Variants in SLC24A3 observed in about 807,000 individuals in gnomAD.
SLC24A3 encodes the protein solute carrier family 24 member 3, also known as sodium/potassium/calcium exchanger 3.
SLC24A3 carries 28 observed loss-of-function variants against 75.8 expected under a neutral mutation model. The observed-to-expected ratio is 0.37, with a 90% CI of 0.27 to 0.51. SLC24A3 has a LOEUF of 0.51. Ranked by LOEUF, SLC24A3 falls within the 20% of genes least tolerant of loss-of-function variation. The probability of loss-of-function intolerance (pLI) is 0.94; values close to 1 mark genes in which losing one functional copy is unlikely to be tolerated. For synonymous variants in SLC24A3, 372 were observed against 334.1 expected (o/e 1.11, Z -1.24); for missense variants, 663 against 847.8 (o/e 0.78, Z 2.71).
rs542238524 is a variant in SLC24A3 at position 19,545,877 on chromosome 20, C to T, written c.348+30313C>T. On this transcript the variant is annotated intron_variant, in intron 3 of 16. Transcript: ENST00000328041. Reference sequence around the variant, plus strand: ...ATAACCCATAAAACAGGTCATCGACCGGCCAGGCATGGTGGCTCACACTTG... The same window carrying T: ...ATAACCCATAAAACAGGTCATCGACTGGCCAGGCATGGTGGCTCACACTTG... Among the ~76,000 whole-genome samples the T allele has an allele frequency of 1.3e-4, 20 of 152,098 alleles. No homozygotes were observed. The East Asian group carries it at 2.7e-3, about 21-fold the overall frequency.
At chr20:19,429,357 C>T (rs954573380) in intron 2 of SLC24A3, among the ~76,000 whole-genome samples, 5 of 152,224 alleles carry the variant, frequency 3.3e-5, no homozygotes, top group African/African-American at 4.8e-5. Context: ...AGAATTACAC[C>T]TTTGGTTCAG....
At chr20:19,430,702 T>G (rs1987086232) in intron 2 of SLC24A3, among the ~76,000 whole-genome samples, 1 of 151,460 alleles carries the variant, frequency 6.6e-6, no homozygotes, top group South Asian at 2.1e-4. Flanking sequence ...ATGTGCACAC[T>G]CAGTCAAATT....
intron 15 of SLC24A3, among the ~76,000 whole-genome samples, chr20:19,700,411 C>G (rs1454717911): frequency 2.3e-5 from 3 of 132,020 alleles, no homozygotes; most frequent in Admixed American, 2.2e-4. Context: ...TCTGATGAGG[C>G]CTGGAAGTGG....
At chr20:19,220,768 A>G (rs1981686965) in intron 1 of SLC24A3, among the ~76,000 whole-genome samples, 1 of 152,180 alleles carries the variant, frequency 6.6e-6, no homozygotes, top group Non-Finnish European at 1.5e-5. Flanking sequence ...CTCATATGTG[A>G]GTCCCACCTC....
At chr20:19,630,678 A>T (rs6081688) in intron 6 of SLC24A3, among the ~76,000 whole-genome samples, 62,997 of 152,154 alleles carry the variant, frequency 0.41, 15,938 homozygotes, top group African/African-American at 0.73. Context: ...ATATAACCTC[A>T]TTTTATTATT....
intron 4 of SLC24A3, among the ~76,000 whole-genome samples, chr20:19,582,765 C>T (rs886154650): frequency 5.3e-5 from 8 of 152,116 alleles, no homozygotes; most frequent in Non-Finnish European, 8.8e-5. Flanking sequence ...TGCACTGAGG[C>T]GGGAAGGGAG....
intron 6 of SLC24A3, among the ~76,000 whole-genome samples, chr20:19,627,833 A>G (rs977373593): frequency 6.6e-6 from 1 of 152,154 alleles, no homozygotes; most frequent in African/African-American, 2.4e-5. Flanking sequence ...TTCTATAAGG[A>G]GATGTATATT....
intron 2 of SLC24A3, among the ~76,000 whole-genome samples, chr20:19,447,702 C>G (rs74956605): frequency 6.6e-6 from 1 of 152,110 alleles, no homozygotes; most frequent in Non-Finnish European, 1.5e-5. Context: ...TGATGGGGTG[C>G]GATGATGGTT....
intron 2 of SLC24A3, among the ~76,000 whole-genome samples, chr20:19,371,056 C>G (rs1356849807): frequency 6.6e-6 from 1 of 152,136 alleles, no homozygotes; most frequent in Non-Finnish European, 1.5e-5. Flanking sequence ...CCAGAAGCAG[C>G]TCCTGAGCAA....
intron 7 of SLC24A3, among the ~76,000 whole-genome samples, chr20:19,659,851 C>T (rs977583231): frequency 6.6e-6 from 1 of 152,210 alleles, no homozygotes; most frequent in African/African-American, 2.4e-5. Context: ...GGGTTACCTT[C>T]ACTTACTTTG....
chr20:19,574,831 A>G (rs1037050599), intron 3 of SLC24A3, among the ~76,000 whole-genome samples: 2 of 152,176 alleles, frequency 1.3e-5, no homozygotes, highest in Admixed American at 6.5e-5. Flanking sequence ...ACAGCTTGGA[A>G]GTGTCAAGTC....
In SLC24A3 at chr20:19,404,598, T is replaced by C. The variant is rs115121218; in HGVS notation, c.272-110890T>C. On this transcript the variant is annotated intron_variant, in intron 2 of 16. Transcript: ENST00000328041. ...TTGTTCAGACGCACCTAGCTGATGA[T>C]TTGGGCATGAGTTTTAATCCAGTTC... Among the ~76,000 whole-genome samples, 1,039 of 152,288 alleles carry C rather than the reference T, an allele frequency of 6.8e-3. 12 individuals carry two copies. Among genetic ancestry groups the C allele is most frequent in the African/African-American group, 0.024 (981 of 41,556 alleles).
At chr20:19,467,376 G>A (rs1478591960) in intron 2 of SLC24A3, among the ~76,000 whole-genome samples, 1 of 152,232 alleles carries the variant, frequency 6.6e-6, no homozygotes, top group East Asian at 1.9e-4. Context: ...TCCTGAGACA[G>A]AGAAGACTGG....
chr20:19,673,489 T>TA, intron 8 of SLC24A3, 112 bp from the exon 9 acceptor site: 1 of 858,788 alleles, frequency 1.2e-6, no homozygotes, highest in Non-Finnish European at 2.0e-6. Context: ...TAGCACCGTC[T>TA]GCCTTCTCCT....
At chr20:19,232,256 C>T (rs1267736009) in intron 1 of SLC24A3, among the ~76,000 whole-genome samples, 1 of 152,128 alleles carries the variant, frequency 6.6e-6, no homozygotes, top group Non-Finnish European at 1.5e-5. Flanking sequence ...AAGGATCAAA[C>T]ATGCAACATG....
At chr20:19,575,253 T>G (rs1261595540) in intron 3 of SLC24A3, among the ~76,000 whole-genome samples, 3 of 44,760 alleles carry the variant, frequency 6.7e-5, no homozygotes, top group African/African-American at 1.5e-4. Flanking sequence ...TGAGACACTC[T>G]CAAAAAAAAA....
intron 2 of SLC24A3, among the ~76,000 whole-genome samples, chr20:19,462,361 G>A (rs1312579531): frequency 2.0e-5 from 3 of 151,856 alleles, no homozygotes; most frequent in East Asian, 1.9e-4. Context: ...CTGGGTTCAC[G>A]CCATTCTCCT....
At chr20:19,698,706 C>G (rs1467378485) in intron 15 of SLC24A3, 26 bp downstream of exon 15, 10 of 1,523,780 alleles carry the variant, frequency 6.6e-6, no homozygotes, top group Non-Finnish European at 8.0e-6. Flanking sequence ...CAGGACTTCT[C>G]CTGAAATCCA....
In SLC24A3 at chr20:19,388,109, G is replaced by A. The variant is rs925852642; in HGVS notation, c.271+107022G>A. 7.2e-5 allele frequency among the ~76,000 whole-genome samples: 11 copies of A among 151,948 alleles called. No homozygotes were observed. In the East Asian group the frequency reaches 7.7e-4, roughly 11 times the overall value. On this transcript the variant is annotated intron_variant, in intron 2 of 16. Transcript: ENST00000328041. ...TTTGTATTACTCTTAATCTAATTAC[G>A]CTGTTAGTTATTTTAAAATGTACAA... is the stretch of plus-strand genomic sequence containing the variant.
Sources: gnomAD v4.1 joint callset for allele counts (sites outside exome capture counted in the v4.1 genomes callset) on GRCh38, gnomAD v4.1.1 for gene constraint, MANE v1.5 for transcripts, NCBI Gene and HGNC (gene_info 2026-07-23, HGNC 2026-07-21) for gene names.